Variants in PPP2R5E observed in about 807,000 individuals in gnomAD.
The protein encoded by PPP2R5E is protein phosphatase 2 regulatory subunit B'epsilon.
In PPP2R5E, 4 loss-of-function variants were observed where a neutral mutation model predicts 65.3. The observed-to-expected ratio is 0.06, with a 90% CI of 0.03 to 0.14. PPP2R5E has a LOEUF of 0.14. PPP2R5E is among the 10% of genes least tolerant of loss of function. PPP2R5E has a pLI of 1.00. For synonymous variants in PPP2R5E, 183 were observed against 187.4 expected (o/e 0.98, Z 0.19); for missense variants, 274 against 556.1 (o/e 0.49, Z 5.10).
chr14:63,379,528 T>TCC (rs984899587), intron 13 of PPP2R5E, among the ~76,000 whole-genome samples: 30 of 152,248 alleles, frequency 2.0e-4, no homozygotes, highest in African/African-American at 7.0e-4. Context: ...TGCCTTGGCC[T>TCC]CCCAAAGTGC....
In PPP2R5E at chr14:63,453,864, G is replaced by A; in HGVS notation, c.179C>T (p.Pro60Leu). The A allele has an allele frequency of 1.3e-6, 2 of 1,503,136 alleles. No homozygotes were observed. Among genetic ancestry groups the A allele is most frequent in the Non-Finnish European group, 1.8e-6 (2 of 1,125,602 alleles). The allele number at this position is 1,503,136 out of a possible 1,614,324, so 93.1% of individuals were successfully genotyped here. Residue 60 changes from proline (P) to leucine (L), a missense_variant, in exon 3 of 14, where the codon CCT becomes CTT. Transcript: ENST00000337537. ...LLKDVPSSEQ[P>L]ELFLKKLQQC... ...CTGAAGTTTCTTTAGGAACAGTTCA[G>A]GCTGCTCTGAGGATGGAACGTCTAA...
At chr14:63,387,969 G>C (rs3783747) in intron 11 of PPP2R5E, among the ~76,000 whole-genome samples, 23,081 of 152,172 alleles carry the variant, frequency 0.15, 2,455 homozygotes, top group East Asian at 0.48. Context: ...CTGTCATCCT[G>C]ATCTCAAACT....
intron 2 of PPP2R5E, among the ~76,000 whole-genome samples, chr14:63,531,220 G>T (rs908883709): frequency 6.6e-6 from 1 of 152,084 alleles, no homozygotes; most frequent in South Asian, 2.1e-4. Flanking sequence ...TGCCATGTTG[G>T]TGTGCTGCAC....
chr14:63,480,336 A>T (rs1271645928), intron 2 of PPP2R5E, among the ~76,000 whole-genome samples: 1 of 152,060 alleles, frequency 6.6e-6, no homozygotes, highest in Non-Finnish European at 1.5e-5. Flanking sequence ...TGTGCCTGTA[A>T]TCCCAGCTAC....
At chr14:63,399,366 CTTTTTTTTTTTTTTT>C (rs397814218) in intron 5 of PPP2R5E, among the ~76,000 whole-genome samples, 12 of 48,520 alleles carry the variant, frequency 2.5e-4, no homozygotes, top group African/African-American at 5.0e-4. Context: ...GGATTTCTTT[CTTTTTTTTTTTTTTT>C]TTTTTTTTTT....
chr14:63,435,841 A>T (rs1430561970), intron 3 of PPP2R5E, among the ~76,000 whole-genome samples: 1 of 152,234 alleles, frequency 6.6e-6, no homozygotes, highest in African/African-American at 2.4e-5. Flanking sequence ...TTATCCTCAC[A>T]CAAAACCATC....
At chr14:63,542,232 G>T (rs768421145) in intron 1 of PPP2R5E, among the ~76,000 whole-genome samples, 10 of 152,136 alleles carry the variant, frequency 6.6e-5, no homozygotes, top group Non-Finnish European at 1.5e-4. Flanking sequence ...TGAACGTAAG[G>T]TAACAGCGGG....
chr14:63,392,111 G>T, intron 8 of PPP2R5E, 86 bp from the exon 9 acceptor site: 2 of 944,058 alleles, frequency 2.1e-6, no homozygotes, highest in Non-Finnish European at 3.1e-6. Context: ...TTCCTAAAAG[G>T]TTTCCAGACT....
chr14:63,374,684 A>C lies in PPP2R5E; in HGVS notation c.*1325T>G, dbSNP rs984027484. 1 of 122,550 alleles carries C rather than the reference A, an allele frequency of 8.2e-6. No individual in the cohort carries two copies. Among genetic ancestry groups the C allele is most frequent in the African/African-American group, 4.4e-5 (1 of 22,814 alleles). 7.6% of individuals were successfully genotyped at this position (122,550 alleles called of 1,614,324 possible). A position where few individuals can be genotyped will look rare whatever the true frequency, so the allele number is the denominator to read the frequency against. ...ATATATATATAAAATACAGCCCTAG[A>C]TTTTGTTTTTTTTGTTTTTTTTTCT... On this transcript the variant is annotated 3_prime_UTR_variant, in exon 14 of 14. Transcript: ENST00000337537.
rs556919597 is a variant in PPP2R5E, at chr14:63,416,012, T to C, written c.457-780A>G. 2.6e-5 allele frequency among the ~76,000 whole-genome samples: 4 copies of C among 152,350 alleles called. 1 individual carries two copies. The highest frequency in any genetic ancestry group is 9.6e-5 in the African/African-American group (4 of 41,588). On this transcript the variant is annotated intron_variant, in intron 4 of 13. Transcript: ENST00000337537. ...AATTTCTACTCATCGGATCATAAGA[T>C]GGTGTGGCACAATATACCCATCTGC...
chr14:63,467,776 T>TCA (rs371202744), intron 2 of PPP2R5E, among the ~76,000 whole-genome samples: 5 of 152,070 alleles, frequency 3.3e-5, no homozygotes, highest in Admixed American at 2.0e-4. Context: ...GTCCTTGGGG[T>TCA]CACACACACA....
At chr14:63,499,438 A>C (rs1891745004) in intron 2 of PPP2R5E, among the ~76,000 whole-genome samples, 2 of 152,206 alleles carry the variant, frequency 1.3e-5, no homozygotes, top group East Asian at 1.9e-4. Context: ...TATTATGAGA[A>C]ATAAGGCTGG....
intron 2 of PPP2R5E, among the ~76,000 whole-genome samples, chr14:63,533,802 G>A (rs558869077): frequency 4.5e-4 from 68 of 152,098 alleles, no homozygotes; most frequent in African/African-American, 1.2e-3. Flanking sequence ...AAAATCAGCC[G>A]GATGTGGTGG....
intron 2 of PPP2R5E, among the ~76,000 whole-genome samples, chr14:63,517,548 T>G (rs1206332991): frequency 6.6e-6 from 1 of 152,204 alleles, no homozygotes; most frequent in Non-Finnish European, 1.5e-5. Flanking sequence ...GATGATGCTT[T>G]CTTCCTTACG....
At chr14:63,515,455 T>G (rs1892632046) in intron 2 of PPP2R5E, among the ~76,000 whole-genome samples, 3 of 152,234 alleles carry the variant, frequency 2.0e-5, no homozygotes, top group Non-Finnish European at 4.4e-5. Flanking sequence ...AGTGATTTCT[T>G]GGAGCCTTGG....
intron 2 of PPP2R5E, among the ~76,000 whole-genome samples, chr14:63,459,992 T>C (rs1889364070): frequency 1.3e-5 from 2 of 152,194 alleles, no homozygotes; most frequent in Admixed American, 1.3e-4. Context: ...TTAGAGAGCT[T>C]GAGAAACACT....
chr14:63,537,248 T>A (rs1350699624), intron 2 of PPP2R5E, among the ~76,000 whole-genome samples: 6 of 148,292 alleles, frequency 4.0e-5, no homozygotes, highest in Admixed American at 1.3e-4. Flanking sequence ...AAAAAAAAAA[T>A]TTAACTGGCT....
At chr14:63,471,600 A>G (rs1381421478) in intron 2 of PPP2R5E, among the ~76,000 whole-genome samples, 1 of 152,196 alleles carries the variant, frequency 6.6e-6, no homozygotes, top group Non-Finnish European at 1.5e-5. Flanking sequence ...AACTCCTTTA[A>G]TCCTTTCTAC....
At chr14:63,449,308 A>T (rs1234503420) in intron 3 of PPP2R5E, among the ~76,000 whole-genome samples, 2 of 152,256 alleles carry the variant, frequency 1.3e-5, no homozygotes, top group Non-Finnish European at 2.9e-5. Flanking sequence ...GTGACGGAGT[A>T]TTTTAAGTAC....
Sources: gnomAD v4.1 joint callset for allele counts (sites outside exome capture counted in the v4.1 genomes callset) on GRCh38, gnomAD v4.1.1 for gene constraint, MANE v1.5 for transcripts, NCBI Gene and HGNC (gene_info 2026-07-23, HGNC 2026-07-21) for gene names.